The following FANCI variants were observed in gnomAD, a reference collection of about 807,000 sequenced individuals.
FANCI encodes Fanconi anemia group I protein.
A neutral mutation model predicts 176.1 loss-of-function variants in FANCI; 156 were observed. That is an observed-to-expected ratio of 0.89 (90% CI 0.78 to 1.01). FANCI has a LOEUF of 1.01. Ranked by LOEUF, FANCI falls within the 50% of genes least tolerant of loss-of-function variation. FANCI has a pLI of 0.00. For synonymous variants in FANCI, 613 were observed against 541.7 expected, an observed-to-expected ratio of 1.13 and a Z score of -1.83; for missense variants, 1,678 against 1,534.1, an observed-to-expected ratio of 1.09 and a Z score of -1.57.
chr15:89,249,234 A>G (rs1394138063), intron 2 of FANCI, among the ~76,000 whole-genome samples: 1 of 152,232 alleles, frequency 6.6e-6, no homozygotes, highest in African/African-American at 2.4e-5. Flanking sequence ...TATAAAACAC[A>G]TAAAGAAGTC....
intron 14 of FANCI, among the ~76,000 whole-genome samples, chr15:89,280,054 C>T (rs1596281823): frequency 6.6e-6 from 1 of 152,134 alleles, no homozygotes; most frequent in Non-Finnish European, 1.5e-5. Context: ...TGGAGTCTCA[C>T]TCTGTCACCC....
chr15:89,305,440 G>C, intron 30 of FANCI, 31 bp downstream of exon 30: 6 of 1,612,968 alleles, frequency 3.7e-6, no homozygotes, highest in Non-Finnish European at 5.1e-6. Context: ...ATGGGGAATA[G>C]CTTTGTCATT....
intron 10 of FANCI, among the ~76,000 whole-genome samples, chr15:89,269,318 A>AT (rs2053107333): frequency 6.6e-6 from 1 of 152,200 alleles, no homozygotes; most frequent in Non-Finnish European, 1.5e-5. Flanking sequence ...ATCTAAGAAA[A>AT]TTAACAATAA....
chr15:89,278,754 C>G lies in FANCI; in HGVS notation c.1361C>G (p.Ser454Cys), dbSNP rs143632975. 3.1e-6 allele frequency: 5 copies of G among 1,613,454 alleles called. No homozygotes were observed. In the African/African-American group the frequency reaches 6.7e-5, roughly 21 times the overall value. ...VLNRVVTRAS[S>C]PISHFLDLLS... ...AACAGGGTTGTTACCAGAGCATCTT[C>G]TCCCATCAGTCATTTCTTAGGTATT... The change falls in exon 14 of 38, where the codon TCT becomes TGT. Residue 454 changes from serine (S) to cysteine (C), a missense_variant. By Grantham distance (112) the Ser-to-Cys change is moderately radical (BLOSUM62 -1). Around this residue, in one of 3 missense-constraint regions of FANCI, gnomAD observed 1,204 missense variants for 1,077.4 expected, o/e 1.12. Transcript: ENST00000310775.
intron 34 of FANCI, 73 bp downstream of exon 34, chr15:89,307,745 C>T (rs1275896451): frequency 6.2e-7 from 1 of 1,613,074 alleles, no homozygotes; most frequent in Admixed American, 1.7e-5. Flanking sequence ...GACTATTGAT[C>T]ACCTGAACTG....
At chr15:89,262,639 A>G (rs2052762908) in intron 6 of FANCI, among the ~76,000 whole-genome samples, 1 of 152,246 alleles carries the variant, frequency 6.6e-6, no homozygotes, top group Non-Finnish European at 1.5e-5. Flanking sequence ...GGTTCCTTAC[A>G]TAAGATCCCT....
chr15:89,302,734 C>T (rs1460212107), intron 27 of FANCI, among the ~76,000 whole-genome samples: 15 of 152,124 alleles, frequency 9.9e-5, no homozygotes, highest in Admixed American at 4.6e-4. Context: ...CCACAACACC[C>T]GGCTAATTTT....
At chr15:89,287,769 G>A (rs1036652979) in intron 18 of FANCI, among the ~76,000 whole-genome samples, 3 of 152,240 alleles carry the variant, frequency 2.0e-5, no homozygotes, top group Non-Finnish European at 4.4e-5. Flanking sequence ...CAGTGAATAG[G>A]GAGGCCTGAG....
chr15:89,268,535 A>C lies in FANCI; in HGVS notation c.882+10A>C. 6.2e-7 allele frequency: 1 copy of C among 1,614,114 alleles called. No homozygotes were observed. The highest frequency in any genetic ancestry group is 8.5e-7 in the Non-Finnish European group (1 of 1,180,002). ...CGTGAAACACTTAAAGGTAGCATCA[A>C]ACTTGTAAGGTGATCTGGGTCTCTT... On this transcript the variant is annotated intron_variant, in intron 10 of 37. Coordinates refer to ENST00000310775, the MANE Select transcript of FANCI (RefSeq NM_001113378.2).
rs764818761 is a variant in FANCI at position 89,292,936 on chromosome 15, T to C, written c.2170-6T>C. On this transcript the variant is annotated splice_region_variant and splice_polypyrimidine_tract_variant and intron_variant, in intron 21 of 37. Coordinates refer to ENST00000310775, the MANE Select transcript of FANCI (RefSeq NM_001113378.2). ...AGCTTGTTAATTTTTATCTTGTGTC[T>C]TTTAGGATAAATCAGCAGATTTTTC... is the stretch of plus-strand genomic sequence containing the variant. 1.1e-5 allele frequency: 17 copies of C among 1,614,018 alleles called. 1 individual carries two copies. The South Asian group carries it at 1.8e-4, about 17-fold the overall frequency.
chr15:89,285,519 C>G (rs1220436221), intron 18 of FANCI, among the ~76,000 whole-genome samples: 6 of 152,104 alleles, frequency 3.9e-5, no homozygotes, highest in Non-Finnish European at 8.8e-5. Flanking sequence ...CCCAGCTACT[C>G]AGGAGGCTGA....
At chr15:89,259,110 G>A (rs1024604036) in intron 3 of FANCI, 38 of 321,892 alleles carry the variant, frequency 1.2e-4, no homozygotes, top group South Asian at 1.1e-3. Flanking sequence ...GCTTAGCAAG[G>A]GGCAAGTAAC....
chr15:89,281,949 C>A, intron 16 of FANCI, 114 bp downstream of exon 16: 3 of 980,284 alleles, frequency 3.1e-6, no homozygotes, highest in Non-Finnish European at 3.2e-6. Flanking sequence ...GAATTCCTAG[C>A]CCCGCAGAGC....
At chr15:89,275,083 CT>C (rs530017776) in intron 12 of FANCI, among the ~76,000 whole-genome samples, 37 of 114,990 alleles carry the variant, frequency 3.2e-4, no homozygotes, top group South Asian at 9.3e-4. Flanking sequence ...GGCCTTTCTT[CT>C]TTTTTTTTTT....
At chr15:89,317,259 A>C, downstream of FANCI, 1 of 858,420 alleles carries the variant, frequency 1.2e-6, no homozygotes, top group East Asian at 2.5e-5. Flanking sequence ...TTAGCCTAGA[A>C]TATAGCCTGA....
In FANCI at chr15:89,293,847, A is replaced by T. The variant is rs754091615; in HGVS notation, c.2306A>T (p.Glu769Val). Residue 769 changes from glutamate (E) to valine (V), a missense_variant, in exon 23 of 38, where the codon GAG becomes GTG. Around this residue, in one of 3 missense-constraint regions of FANCI, gnomAD observed 1,204 missense variants for 1,077.4 expected, o/e 1.12. Transcript: ENST00000310775. ...GTTTTTTACAGTAAGAATAGGTTTGAGGACATTCTGAGCTTATTTATGTGT... is the reference window on the plus strand; with the variant it reads ...GTTTTTTACAGTAAGAATAGGTTTGTGGACATTCTGAGCTTATTTATGTGT... ...SISSFSKNRF[E>V]DILSLFMCYK... is the part of the protein sequence containing the mutation. 1.9e-6 allele frequency: 3 copies of T among 1,614,014 alleles called. No individual in the cohort carries two copies. The South Asian group carries it at 3.3e-5, about 18-fold the overall frequency.
rs571745030 is a variant in FANCI at position 89,263,907 on chromosome 15, G to A, written c.550G>A (p.Val184Ile). ...VIQLTSMFKD[V>I]PLTAEEVEFV... is the part of the protein sequence containing the mutation. The stretch of plus-strand genomic sequence containing the variant: ...TTTAGAATCTTTGATCCACAGGGAT[G>A]TCCCTCTGACTGCAGAAGAGGTGGA... The change falls in exon 8 of 38, where the codon GTC (valine) becomes ATC (isoleucine). Residue 184 changes from valine to isoleucine, a missense_variant. This residue lies in a region of FANCI where 469 missense variants were observed against 436.9 expected (regional missense o/e 1.07). Coordinates refer to ENST00000310775, the MANE Select transcript of FANCI (RefSeq NM_001113378.2). 1 of 1,614,062 alleles carries A rather than the reference G, an allele frequency of 6.2e-7. No homozygotes were observed. The highest frequency in any genetic ancestry group is 1.7e-5 in the Admixed American group (1 of 60,016).
rs1866394636 is a variant in FANCI, at chr15:89,281,316, C to A, written c.1512+16C>A. The A allele has an allele frequency of 6.2e-7, 1 of 1,613,358 alleles. No homozygotes were observed. ...GGCAGTGCAGGTAAGTCTTCAGATTCCCAAGTAACTTGCCAAAACTGAGGT... is the reference window on the plus strand; with the variant it reads ...GGCAGTGCAGGTAAGTCTTCAGATTACCAAGTAACTTGCCAAAACTGAGGT... On this transcript the variant is annotated intron_variant, in intron 15 of 37. Transcript: ENST00000310775.
intron 32 of FANCI, 65 bp from the exon 33 acceptor site, chr15:89,307,411 C>CA: frequency 2.0e-6 from 3 of 1,470,008 alleles, no homozygotes; most frequent in Non-Finnish European, 2.8e-6. Context: ...TCCATAGGCT[C>CA]ACTGCAGCAG....
Sources: gnomAD v4.1 joint callset for allele counts (sites outside exome capture counted in the v4.1 genomes callset) on GRCh38, gnomAD v4.1.1 for gene constraint, gnomAD v4.1.1 regional missense constraint, MANE v1.5 for transcripts, NCBI Gene and HGNC (gene_info 2026-07-23, HGNC 2026-07-21) for gene names.